The following RNLS variants were observed in gnomAD, a reference collection of about 807,000 sequenced individuals.
RNLS encodes renalase, FAD dependent amine oxidase, also known as renalase.
A neutral mutation model predicts 39.8 loss-of-function variants in RNLS; 39 were observed. The ratio of observed to expected loss-of-function variants is 0.98; its 90% confidence interval spans 0.76 to 1.28. The LOEUF is 1.28. Ranked by LOEUF, RNLS falls within the 50% of genes most tolerant of loss-of-function variation. The probability of loss-of-function intolerance (pLI) is 0.00; values close to 1 mark genes in which losing one functional copy is unlikely to be tolerated. For synonymous variants in RNLS, 147 were observed against 150.7 expected, an observed-to-expected ratio of 0.98 and a Z score of 0.18; for missense variants, 410 against 413.3, an observed-to-expected ratio of 0.99 and a Z score of 0.07.
chr10:88,175,203 T>A, the RNLS span, among the ~76,000 whole-genome samples: 1 of 152,124 alleles, frequency 6.6e-6, no homozygotes, highest in African/African-American at 2.4e-5. Flanking sequence ...TCAAAAAAAA[T>A]GAATTTTTTG....
At chr10:88,309,257 G>A (rs192238815) in intron 6 of RNLS, 11 of 223,132 alleles carry the variant, frequency 4.9e-5, no homozygotes, top group Admixed American at 4.6e-4. Flanking sequence ...AAACCTGCAC[G>A]CGTACCCCTG....
At chr10:88,352,256 G>A (rs1848772956) in intron 5 of RNLS, among the ~76,000 whole-genome samples, 1 of 152,168 alleles carries the variant, frequency 6.6e-6, no homozygotes, top group South Asian at 2.1e-4. Flanking sequence ...AGTGGTGAGA[G>A]AGGGCATCCC....
chr10:88,350,976 T>A (rs1294489933), intron 5 of RNLS, among the ~76,000 whole-genome samples: 2 of 152,236 alleles, frequency 1.3e-5, no homozygotes, highest in African/African-American at 4.8e-5. Flanking sequence ...ATTTCTCTGA[T>A]GGCCAGTGAT....
intron 5 of RNLS, among the ~76,000 whole-genome samples, chr10:88,358,007 T>C (rs75923476): frequency 0.019 from 2,826 of 152,312 alleles, 60 homozygotes; most frequent in Middle Eastern, 0.071. Context: ...GTATGTTTAC[T>C]AAAAACACTA....
chr10:88,565,747 CTTTTT>C (rs34655092), intron 4 of RNLS, among the ~76,000 whole-genome samples: 1 of 98,058 alleles, frequency 1.0e-5, no homozygotes, highest in Non-Finnish European at 2.0e-5. Flanking sequence ...CGTTATCTTT[CTTTTT>C]TTTTTTTTTT....
chr10:88,310,271 A>G (rs1845261117), intron 6 of RNLS, among the ~76,000 whole-genome samples: 1 of 152,236 alleles, frequency 6.6e-6, no homozygotes, highest in Non-Finnish European at 1.5e-5. Context: ...TTTTGACTGC[A>G]ACAATATGCC....
chr10:88,362,524 A>T, intron 5 of RNLS, 28 bp downstream of exon 5: 1 of 1,603,610 alleles, frequency 6.2e-7, no homozygotes. Context: ...TTGTTGCTGT[A>T]TTTAAGGGAA....
intron 5 of RNLS, among the ~76,000 whole-genome samples, chr10:88,361,817 A>T (rs1432656150): frequency 6.6e-6 from 1 of 152,206 alleles, no homozygotes; most frequent in East Asian, 1.9e-4. Flanking sequence ...AGTTTTAGTC[A>T]TTTTACATCC....
At chr10:88,539,618 C>T (rs1847942139) in intron 4 of RNLS, among the ~76,000 whole-genome samples, 1 of 152,054 alleles carries the variant, frequency 6.6e-6, no homozygotes, top group Non-Finnish European at 1.5e-5. Context: ...TCTCATGCAG[C>T]CTCTGGAACC....
At chr10:88,349,797 A>G (rs572061078) in intron 5 of RNLS, among the ~76,000 whole-genome samples, 1 of 151,976 alleles carries the variant, frequency 6.6e-6, no homozygotes, top group Non-Finnish European at 1.5e-5. Context: ...CCACCCCAAG[A>G]TCTGATATTA....
intron 5 of RNLS, among the ~76,000 whole-genome samples, chr10:88,358,193 T>C (rs925764396): frequency 2.6e-5 from 4 of 152,242 alleles, no homozygotes; most frequent in African/African-American, 7.2e-5. Flanking sequence ...TCTCAAATTT[T>C]AACTCCATGA....
At chr10:88,244,052 G>A in the RNLS span, among the ~76,000 whole-genome samples, 1 of 152,202 alleles carries the variant, frequency 6.6e-6, no homozygotes, top group South Asian at 2.1e-4. Context: ...AAATGGAAAG[G>A]CTGGTTTCCT....
Position 88,328,048 on chromosome 10 carries a change from C to T in RNLS, c.701-13407G>A, listed in dbSNP as rs548587660. Among the ~76,000 whole-genome samples the T allele has an allele frequency of 3.3e-5, 5 of 152,130 alleles. No individual in the cohort carries two copies. The East Asian group carries it at 9.7e-4, about 29-fold the overall frequency. ...CTCGCATCCTGAGTGGCTGAGACTACAGGCGTGCACCACCATACCCAGCTA... is the reference window on the plus strand; with the variant it reads ...CTCGCATCCTGAGTGGCTGAGACTATAGGCGTGCACCACCATACCCAGCTA... On this transcript the variant is annotated intron_variant, in intron 5 of 6. Transcript: ENST00000331772.
At chr10:88,207,833 A>G in the RNLS span, among the ~76,000 whole-genome samples, 1 of 152,164 alleles carries the variant, frequency 6.6e-6, no homozygotes, top group Non-Finnish European at 1.5e-5. Context: ...TGGCACAGGG[A>G]GTCCAGAAAT....
chr10:88,489,247 C>T (rs72820063), intron 4 of RNLS, among the ~76,000 whole-genome samples: 43 of 152,290 alleles, frequency 2.8e-4, no homozygotes, highest in Non-Finnish European at 4.4e-4. Context: ...TAAATGGCAT[C>T]TTGGCTTTAT....
chr10:88,379,503 T>C (rs1301878814), intron 4 of RNLS, among the ~76,000 whole-genome samples: 1 of 152,182 alleles, frequency 6.6e-6, no homozygotes, highest in Non-Finnish European at 1.5e-5. Context: ...TGGGAAGAAT[T>C]ATCAGTCTGA....
At chr10:88,483,853 A>G (rs929790879) in intron 4 of RNLS, among the ~76,000 whole-genome samples, 2 of 152,136 alleles carry the variant, frequency 1.3e-5, no homozygotes, top group Admixed American at 6.6e-5. Context: ...AATTGGTAGT[A>G]GTAACTGAGA....
chr10:88,475,506 C>G (rs1034065739), intron 4 of RNLS, among the ~76,000 whole-genome samples: 17 of 152,234 alleles, frequency 1.1e-4, no homozygotes, highest in African/African-American at 3.6e-4. Context: ...CTCAGTTGTC[C>G]TTTCTTTTCT....
At chr10:88,561,741 TAAAC>T (rs758936557) in intron 4 of RNLS, among the ~76,000 whole-genome samples, 7 of 152,106 alleles carry the variant, frequency 4.6e-5, no homozygotes, top group East Asian at 1.9e-4. Flanking sequence ...AATGAAATAA[TAAAC>T]AAAAGCAAAA....
Sources: allele counts gnomAD v4.1 joint callset (sites outside exome capture counted in the v4.1 genomes callset), GRCh38; gene constraint gnomAD v4.1.1; transcripts MANE v1.5; gene names NCBI Gene and HGNC (gene_info 2026-07-23, HGNC 2026-07-21).